The following COL26A1 variants were observed in gnomAD, a reference collection of about 807,000 sequenced individuals.
The protein encoded by COL26A1 is collagen alpha-1(XXVI) chain.
COL26A1 carries 41 observed loss-of-function variants against 59.3 expected under a neutral mutation model. The observed-to-expected ratio is 0.69, with a 90% confidence interval of 0.54 to 0.90. The LOEUF (loss-of-function observed/expected upper bound fraction) is 0.90, where lower values mean the gene tolerates loss of function less well. Ranked by LOEUF, COL26A1 falls within the 40% of genes least tolerant of loss-of-function variation. The probability of loss-of-function intolerance (pLI) is 0.00; values close to 1 mark genes in which losing one functional copy is unlikely to be tolerated. For missense variants in COL26A1, 612 were observed against 602.3 expected (o/e 1.02, Z -0.17); for synonymous variants, 266 against 256.0 (o/e 1.04, Z -0.37).
intron 1 of COL26A1, among the ~76,000 whole-genome samples, chr7:101,396,092 TACCAAAAA>T (rs1342409370): frequency 1.3e-5 from 2 of 151,910 alleles, no homozygotes; most frequent in African/African-American, 4.8e-5. Context: ...ATCCTGTTTC[TACCAAAAA>T]ACCAAAAAAA....
intron 3 of COL26A1, among the ~76,000 whole-genome samples, chr7:101,489,663 TCCTTC>T (rs1794354020): frequency 5.6e-4 from 29 of 51,694 alleles, no homozygotes; most frequent in Non-Finnish European, 7.7e-4. Flanking sequence ...CTTTCTTTCT[TCCTTC>T]CTTCCTTCCT....
chr7:101,422,791 C>T (rs1792554769), intron 2 of COL26A1, among the ~76,000 whole-genome samples: 1 of 152,054 alleles, frequency 6.6e-6, no homozygotes, highest in Non-Finnish European at 1.5e-5. Context: ...AGGCATGCAT[C>T]ACCGTGCCTC....
chr7:101,363,702 C>G (rs1017725788), intron 1 of COL26A1, among the ~76,000 whole-genome samples: 18 of 151,906 alleles, frequency 1.2e-4, no homozygotes, highest in Non-Finnish European at 2.4e-4. Flanking sequence ...CTGTCCCTTC[C>G]TTTCTTCGCT....
intron 1 of COL26A1, among the ~76,000 whole-genome samples, chr7:101,372,980 G>A (rs561650698): frequency 2.6e-5 from 4 of 152,190 alleles, no homozygotes; most frequent in Non-Finnish European, 5.9e-5. Context: ...GGGTGACAGA[G>A]CAAGAGCAGA....
intron 1 of COL26A1, among the ~76,000 whole-genome samples, chr7:101,395,700 C>G (rs1791839856): frequency 6.6e-6 from 1 of 152,280 alleles, no homozygotes; most frequent in South Asian, 2.1e-4. Flanking sequence ...TGGTGCCTGT[C>G]GGACTTGAGC....
At chr7:101,550,240 C>A (rs370829501) in intron 9 of COL26A1, among the ~76,000 whole-genome samples, 1 of 152,056 alleles carries the variant, frequency 6.6e-6, no homozygotes, top group Admixed American at 6.6e-5. Flanking sequence ...GTGGGAGGAT[C>A]GCTTGAGCCC....
At chr7:101,404,772 C>T (rs534478216) in intron 1 of COL26A1, among the ~76,000 whole-genome samples, 3 of 152,238 alleles carry the variant, frequency 2.0e-5, no homozygotes, top group South Asian at 2.1e-4. Context: ...TGTAATGATA[C>T]GCGCCTGTGG....
chr7:101,502,078 G>A (rs185057362), intron 3 of COL26A1, among the ~76,000 whole-genome samples: 40 of 152,302 alleles, frequency 2.6e-4, no homozygotes, highest in African/African-American at 7.5e-4. Context: ...GGCCGGGTGC[G>A]GTGGCTGACG....
intron 10 of COL26A1, 200 bp from the exon 11 acceptor site, chr7:101,553,126 T>C: frequency 1.9e-6 from 1 of 519,768 alleles, no homozygotes; most frequent in Non-Finnish European, 3.4e-6. Flanking sequence ...CATGCCAGGC[T>C]GAGCAGGCTG....
Position 101,419,863 on chromosome 7 carries a change from C to T in COL26A1, c.159-114C>T, listed in dbSNP as rs952112792. On this transcript the variant is annotated intron_variant, in intron 1 of 12. Coordinates refer to ENST00000313669, the MANE Select transcript of COL26A1 (RefSeq NM_001278563.3). The stretch of plus-strand genomic sequence containing the variant: ...TCAGTGGGCCCCCCATCCAAGAGAG[C>T]GAGCCTCCACCCCAGGTTTGCGGGG... 34 of 1,097,124 alleles carry T rather than the reference C, an allele frequency of 3.1e-5. 1 individual carries two copies. Among genetic ancestry groups the T allele is most frequent in the Admixed American group, 1.5e-4 (7 of 45,482 alleles). 68.0% of individuals were successfully genotyped at this position (1,097,124 alleles called of 1,614,324 possible).
At chr7:101,394,108 G>GTACTAGGCT (rs1223807578) in intron 1 of COL26A1, among the ~76,000 whole-genome samples, 1 of 152,010 alleles carries the variant, frequency 6.6e-6, no homozygotes. Context: ...CACCTACTGT[G>GTACTAGGCT]TACTAGGCTT....
intron 2 of COL26A1, among the ~76,000 whole-genome samples, chr7:101,425,108 C>T (rs1031848543): frequency 1.4e-4 from 22 of 151,754 alleles, no homozygotes; most frequent in African/African-American, 4.8e-4. Flanking sequence ...AAATTTTGGC[C>T]AGGCGCGGTG....
rs1158157132 is a variant in COL26A1 at position 101,547,255 on chromosome 7, G to A, written c.940+16G>A. On this transcript the variant is annotated intron_variant, in intron 8 of 12. Coordinates refer to ENST00000313669, the MANE Select transcript of COL26A1 (RefSeq NM_001278563.3). ...GGTCCACCAGGTAAGTGAATGGTGGGCTGGCCTGCATTGAGGACTCCATCC... is the reference window on the plus strand; with the variant it reads ...GGTCCACCAGGTAAGTGAATGGTGGACTGGCCTGCATTGAGGACTCCATCC... The A allele has an allele frequency of 3.2e-6, 5 of 1,546,748 alleles. No homozygotes were observed. The highest frequency in any genetic ancestry group is 4.4e-6 in the Non-Finnish European group (5 of 1,139,436).
intron 2 of COL26A1, among the ~76,000 whole-genome samples, chr7:101,425,826 A>T (rs1792633381): frequency 7.6e-6 from 1 of 131,444 alleles, no homozygotes; most frequent in Non-Finnish European, 1.6e-5. Flanking sequence ...TCTTAGCATA[A>T]TTTTTTTTTT....
chr7:101,388,454 CAA>C (rs1485617646), intron 1 of COL26A1, among the ~76,000 whole-genome samples: 3 of 151,290 alleles, frequency 2.0e-5, no homozygotes, highest in Non-Finnish European at 4.4e-5. Context: ...GCCTGGGCAA[CAA>C]GAGCAAAACT....
At chr7:101,485,251 G>A (rs1364087530) in intron 3 of COL26A1, among the ~76,000 whole-genome samples, 1 of 152,170 alleles carries the variant, frequency 6.6e-6, no homozygotes, top group Non-Finnish European at 1.5e-5. Context: ...CTCTGCACAC[G>A]CCGGTGCTGA....
chr7:101,433,037 A>G (rs2130325070), intron 2 of COL26A1, among the ~76,000 whole-genome samples: 1 of 152,250 alleles, frequency 6.6e-6, no homozygotes, highest in African/African-American at 2.4e-5. Context: ...TAAGAATGCC[A>G]CTGGACCGGA....
chr7:101,465,125 A>G (rs1793727359), intron 3 of COL26A1, among the ~76,000 whole-genome samples: 1 of 149,500 alleles, frequency 6.7e-6, no homozygotes, highest in Non-Finnish European at 1.5e-5. Flanking sequence ...GCAGCCTTGA[A>G]CTCCTGGGCT....
chr7:101,557,817 C>G lies in COL26A1; in HGVS notation c.*287C>G, dbSNP rs953842090. 3.0e-6 allele frequency: 1 copy of G among 331,590 alleles called. No homozygotes were observed. Among genetic ancestry groups the G allele is most frequent in the African/African-American group, 2.1e-5 (1 of 47,488 alleles). The allele number at this position is 331,590 out of a possible 1,614,324, so 20.5% of individuals were successfully genotyped here. A position where few individuals can be genotyped will look rare whatever the true frequency, so the allele number is the denominator to read the frequency against. ...CTGGGAATGAGAATAATCCTAATAC[C>G]CATCATTTATTGAGTCCCTGCTGTA... On this transcript the variant is annotated 3_prime_UTR_variant, in exon 13 of 13. Coordinates refer to ENST00000313669, the MANE Select transcript of COL26A1 (RefSeq NM_001278563.3).
Sources: allele counts gnomAD v4.1 joint callset (sites outside exome capture counted in the v4.1 genomes callset), GRCh38; gene constraint gnomAD v4.1.1; transcripts MANE v1.5; gene names NCBI Gene and HGNC (gene_info 2026-07-23, HGNC 2026-07-21).